The following ARIH1 variants were observed in gnomAD, a reference collection of about 807,000 sequenced individuals.
ARIH1 encodes ariadne RBR E3 ubiquitin protein ligase 1.
Under a neutral mutation model 85.0 loss-of-function variants are expected in ARIH1, and 8 were observed. The observed-to-expected ratio is 0.09, with a 90% confidence interval of 0.06 to 0.17. ARIH1 has a LOEUF of 0.17. Ranked by LOEUF, ARIH1 falls within the 10% of genes least tolerant of loss-of-function variation. ARIH1 has a pLI of 1.00. For synonymous variants in ARIH1, 238 were observed against 253.6 expected, an observed-to-expected ratio of 0.94 and a Z score of 0.59; for missense variants, 311 against 718.1, an observed-to-expected ratio of 0.43 and a Z score of 6.48.
rs751610523 is a variant in ARIH1, at chr15:72,588,952, TAA to T, written c.*5661_*5662del. ...AAGTCTGCACAATTCCACGAGCACTTAAGAGTTTACAAGTTTCTCATGTCTAT... is the reference window on the plus strand; with the variant it reads ...AAGTCTGCACAATTCCACGAGCACTTGAGTTTACAAGTTTCTCATGTCTAT... On this transcript the variant is annotated 3_prime_UTR_variant, in exon 14 of 14. Transcript: ENST00000379887. 6.6e-6 allele frequency: 1 copy of T among 152,186 alleles called. No individual in the cohort carries two copies. The highest frequency in any genetic ancestry group is 1.5e-5 in the Non-Finnish European group (1 of 68,028). 9.4% of individuals were successfully genotyped at this position (152,186 alleles called of 1,614,324 possible).
Position 72,585,784 on chromosome 15 carries a change from T to C in ARIH1, c.*2492T>C, listed in dbSNP as rs1267506950. ...TGGCCCTTTTCTACTTCCAAGCTTTTAACAGATACCACCATATTTGACAGA... is the reference window on the plus strand; with the variant it reads ...TGGCCCTTTTCTACTTCCAAGCTTTCAACAGATACCACCATATTTGACAGA... On this transcript the variant is annotated 3_prime_UTR_variant, in exon 14 of 14. Coordinates refer to ENST00000379887, the MANE Select transcript of ARIH1 (RefSeq NM_005744.5). 2 of 152,184 alleles carry C rather than the reference T, an allele frequency of 1.3e-5. No individual in the cohort carries two copies. Among genetic ancestry groups the C allele is most frequent in the Non-Finnish European group, 2.9e-5 (2 of 68,026 alleles). 9.4% of individuals were successfully genotyped at this position (152,184 alleles called of 1,614,324 possible). A position where few individuals can be genotyped will look rare whatever the true frequency, so the allele number is the denominator to read the frequency against.
rs2064122986 is a variant in ARIH1 at position 72,545,057 on chromosome 15, T to C, written c.588+93T>C. The stretch of plus-strand genomic sequence containing the variant: ...TTAAACAAAGGAAAATTTGTGGGTC[T>C]GGGAGTAGTAACCTCTAAGCCATAA... On this transcript the variant is annotated intron_variant, in intron 3 of 13. Coordinates refer to ENST00000379887, the MANE Select transcript of ARIH1 (RefSeq NM_005744.5). The C allele has an allele frequency of 7.5e-6, 9 of 1,207,726 alleles. No homozygotes were observed. The East Asian group carries it at 2.2e-4, about 30-fold the overall frequency. The allele number at this position is 1,207,726 out of a possible 1,614,324, so 74.8% of individuals were successfully genotyped here. A position where few individuals can be genotyped will look rare whatever the true frequency, so the allele number is the denominator to read the frequency against.
At chr15:72,503,112 C>G (rs1256554077) in intron 1 of ARIH1, among the ~76,000 whole-genome samples, 4 of 152,152 alleles carry the variant, frequency 2.6e-5, no homozygotes, top group Admixed American at 2.6e-4. Context: ...AGGCCAAAAA[C>G]TATTTCTCAG....
chr15:72,518,175 CAGAA>C lies in ARIH1; in HGVS notation c.443+44_443+47del. 2.0e-6 allele frequency: 3 copies of C among 1,517,726 alleles called. No individual in the cohort carries two copies. In the South Asian group the frequency reaches 3.5e-5, roughly 18 times the overall value. The allele number at this position is 1,517,726 out of a possible 1,614,324, so 94.0% of individuals were successfully genotyped here. A position where few individuals can be genotyped will look rare whatever the true frequency, so the allele number is the denominator to read the frequency against. ...GTCAGCTTTGTACTTAGAAGTAACA[CAGAA>C]AGCCTATTGAACCGAATTTACAAGA... On this transcript the variant is annotated intron_variant, in intron 2 of 13. Transcript: ENST00000379887.
intron 1 of ARIH1, among the ~76,000 whole-genome samples, chr15:72,486,459 A>G (rs2063837834): frequency 6.6e-6 from 1 of 152,106 alleles, no homozygotes; most frequent in East Asian, 1.9e-4. Flanking sequence ...TATTACCTAC[A>G]CTTTCAAGCT....
intron 2 of ARIH1, 133 bp downstream of exon 2, chr15:72,518,267 G>T: frequency 1.6e-6 from 1 of 642,166 alleles, no homozygotes; most frequent in Non-Finnish European, 2.6e-6. Context: ...ACTAGTGACT[G>T]CTTTAATTTC....
intron 13 of ARIH1, 31 bp from the exon 14 acceptor site, chr15:72,583,177 C>G (rs748077273): frequency 2.7e-6 from 4 of 1,492,666 alleles, no homozygotes; most frequent in South Asian, 2.3e-5. Context: ...AGGCTGACAA[C>G]AAGTTTTTTT....
chr15:72,537,945 T>C (rs1353238952), intron 2 of ARIH1, among the ~76,000 whole-genome samples: 2 of 152,244 alleles, frequency 1.3e-5, no homozygotes, highest in East Asian at 3.8e-4. Context: ...TGTTTTTTAA[T>C]ACATTTTCAT....
chr15:72,490,765 A>G (rs1033950710), intron 1 of ARIH1, among the ~76,000 whole-genome samples: 2 of 152,110 alleles, frequency 1.3e-5, no homozygotes, highest in African/African-American at 4.8e-5. Context: ...TAGCATAGGA[A>G]ACTTAAAAGG....
chr15:72,541,038 G>T (rs949605296), intron 2 of ARIH1, among the ~76,000 whole-genome samples: 2 of 152,140 alleles, frequency 1.3e-5, no homozygotes, highest in African/African-American at 2.4e-5. Flanking sequence ...GGACCAGGGG[G>T]CCAACGCTAG....
At chr15:72,493,020 A>G (rs1555484474) in intron 1 of ARIH1, among the ~76,000 whole-genome samples, 1 of 152,156 alleles carries the variant, frequency 6.6e-6, no homozygotes, top group Non-Finnish European at 1.5e-5. Flanking sequence ...CCACATATCA[A>G]GTACTACCTC....
chr15:72,547,824 T>TA (rs1423149219), intron 3 of ARIH1, among the ~76,000 whole-genome samples: 1 of 152,204 alleles, frequency 6.6e-6, no homozygotes, highest in Non-Finnish European at 1.5e-5. Flanking sequence ...TGCCCTATCA[T>TA]AGACAGTTCC....
chr15:72,573,624 T>C (rs186082509), intron 11 of ARIH1, among the ~76,000 whole-genome samples: 96 of 152,180 alleles, frequency 6.3e-4, no homozygotes, highest in African/African-American at 2.3e-3. Context: ...TTCACAGACC[T>C]TCACAATGTT....
At chr15:72,558,902 A>T (rs192517511) in intron 5 of ARIH1, among the ~76,000 whole-genome samples, 40 of 152,358 alleles carry the variant, frequency 2.6e-4, no homozygotes, top group African/African-American at 8.9e-4. Flanking sequence ...CATTATGGGT[A>T]ATACATGTGT....
chr15:72,517,096 CTT>C (rs372315371), intron 1 of ARIH1, among the ~76,000 whole-genome samples: 4 of 152,248 alleles, frequency 2.6e-5, no homozygotes, highest in African/African-American at 9.6e-5. Flanking sequence ...AGGCAGTAAA[CTT>C]TGGTTTTATT....
chr15:72,558,384 C>T (rs1431176265), intron 5 of ARIH1, among the ~76,000 whole-genome samples: 2 of 152,192 alleles, frequency 1.3e-5, no homozygotes, highest in South Asian at 4.1e-4. Context: ...TCACTGCAAC[C>T]TCTGCCTCCC....
At chr15:72,516,994 CCCGTTGCATTT>C (rs1374277214) in intron 1 of ARIH1, among the ~76,000 whole-genome samples, 1 of 152,086 alleles carries the variant, frequency 6.6e-6, no homozygotes, top group Non-Finnish European at 1.5e-5. Context: ...CTTCTTAGGC[CCCGTTGCATTT>C]TGAGTTAAAA....
chr15:72,514,811 G>T (rs1309589869), intron 1 of ARIH1, among the ~76,000 whole-genome samples: 2 of 151,994 alleles, frequency 1.3e-5, no homozygotes, highest in African/African-American at 4.8e-5. Context: ...TTTGAGACCA[G>T]TAGAGGGGGT....
chr15:72,560,762 T>A (rs1412642066), intron 5 of ARIH1, among the ~76,000 whole-genome samples: 1 of 152,196 alleles, frequency 6.6e-6, no homozygotes, highest in Non-Finnish European at 1.5e-5. Context: ...GAGGCCAGAT[T>A]GGTTCATTTA....
Sources: gnomAD v4.1 joint callset for allele counts (sites outside exome capture counted in the v4.1 genomes callset) on GRCh38, gnomAD v4.1.1 for gene constraint, MANE v1.5 for transcripts, NCBI Gene and HGNC (gene_info 2026-07-23, HGNC 2026-07-21) for gene names.